Variants in LHFPL6 observed in about 807,000 individuals in gnomAD.
The protein encoded by LHFPL6 is LHFPL tetraspan subfamily member 6, also known as LHFPL tetraspan subfamily member 6 protein.
Under a neutral mutation model 20.6 loss-of-function variants are expected in LHFPL6, and 9 were observed. The observed-to-expected ratio is 0.44, with a 90% CI of 0.26 to 0.76. LHFPL6 has a LOEUF of 0.76. Ranked by LOEUF, LHFPL6 falls within the 30% of genes least tolerant of loss-of-function variation. LHFPL6 has a pLI of 0.20. For missense variants in LHFPL6, 218 were observed against 253.5 expected (o/e 0.86, Z 0.95); for synonymous variants, 105 against 98.7 (o/e 1.06, Z -0.38).
intron 2 of LHFPL6, among the ~76,000 whole-genome samples, chr13:39,423,434 A>G (rs11838814): frequency 1.2e-4 from 18 of 149,214 alleles, no homozygotes; most frequent in African/African-American, 3.7e-4. Flanking sequence ...TTTTTTTTTT[A>G]TTTTTTGAGA....
chr13:39,420,323 T>G (rs756941847), intron 2 of LHFPL6, among the ~76,000 whole-genome samples: 1 of 152,220 alleles, frequency 6.6e-6, no homozygotes, highest in East Asian at 1.9e-4. Context: ...GTTTGGTTAA[T>G]GGATCATTCA....
At chr13:39,541,501 C>T (rs1239446722) in intron 2 of LHFPL6, among the ~76,000 whole-genome samples, 2 of 152,132 alleles carry the variant, frequency 1.3e-5, no homozygotes, top group African/African-American at 2.4e-5. Context: ...TCACTCCCTA[C>T]CTGCAGGCCT....
chr13:39,591,567 T>C (rs1018661577), intron 2 of LHFPL6, among the ~76,000 whole-genome samples: 3 of 152,136 alleles, frequency 2.0e-5, no homozygotes, highest in Non-Finnish European at 4.4e-5. Context: ...AACAGTGGTG[T>C]AAGTCTACAT....
chr13:39,455,973 ATTGAC>A (rs1347342595), intron 2 of LHFPL6, among the ~76,000 whole-genome samples: 1 of 152,262 alleles, frequency 6.6e-6, no homozygotes, highest in African/African-American at 2.4e-5. Context: ...ACACAAATGT[ATTGAC>A]TTGACTGCCA....
intron 2 of LHFPL6, among the ~76,000 whole-genome samples, chr13:39,531,062 A>T (rs374532403): frequency 6.6e-6 from 1 of 152,152 alleles, no homozygotes; most frequent in Non-Finnish European, 1.5e-5. Flanking sequence ...AACTGGCTCT[A>T]CTTTTCACAG....
intron 2 of LHFPL6, among the ~76,000 whole-genome samples, chr13:39,477,136 G>T (rs566942993): frequency 1.3e-5 from 2 of 152,078 alleles, no homozygotes; most frequent in African/African-American, 4.8e-5. Flanking sequence ...CATCTCTAGT[G>T]ACTTTACCTC....
At chr13:39,455,258 C>G (rs899061104) in intron 2 of LHFPL6, among the ~76,000 whole-genome samples, 1 of 152,124 alleles carries the variant, frequency 6.6e-6, no homozygotes, top group South Asian at 2.1e-4. Context: ...AATACTCCCC[C>G]TAAAGCAGCT....
rs1028683509 is a variant in LHFPL6 at position 39,466,549 on chromosome 13, C to T, written c.386-88023G>A. 3.9e-5 allele frequency among the ~76,000 whole-genome samples: 6 copies of T among 152,158 alleles called. 1 individual carries two copies. The highest frequency in any genetic ancestry group is 2.1e-4 in the South Asian group (1 of 4,826). ...ACAAAGGTCACAGACTAGAAAGATC[C>T]AATTAGTAGTTTGGGGCCCTGGCTT... is the stretch of plus-strand genomic sequence containing the variant. On this transcript the variant is annotated intron_variant, in intron 2 of 3. Coordinates refer to ENST00000379589, the MANE Select transcript of LHFPL6 (RefSeq NM_005780.3).
intron 2 of LHFPL6, among the ~76,000 whole-genome samples, chr13:39,575,028 GCTACTGCA>G (rs1289533435): frequency 1.3e-5 from 2 of 151,864 alleles, no homozygotes; most frequent in Non-Finnish European, 2.9e-5. Flanking sequence ...CCGAGATAGC[GCTACTGCA>G]CTTTGGCCTC....
intron 2 of LHFPL6, among the ~76,000 whole-genome samples, chr13:39,459,146 C>T (rs1872634531): frequency 6.6e-6 from 1 of 150,430 alleles, no homozygotes; most frequent in African/African-American, 2.4e-5. Flanking sequence ...AAAGACCTGC[C>T]TGTGTTCTGG....
intron 3 of LHFPL6, among the ~76,000 whole-genome samples, chr13:39,355,477 A>G (rs972580152): frequency 1.3e-5 from 2 of 152,174 alleles, no homozygotes; most frequent in African/African-American, 4.8e-5. Flanking sequence ...TAATCACACA[A>G]TCAAGTATAA....
At chr13:39,492,346 T>C (rs10161885) in intron 2 of LHFPL6, among the ~76,000 whole-genome samples, 2,219 of 152,314 alleles carry the variant, frequency 0.015, 56 homozygotes, top group African/African-American at 0.05. Context: ...TAGGTAATGT[T>C]ATTTTTGTTC....
At chr13:39,601,970 A>G (rs1872965851) in intron 1 of LHFPL6, among the ~76,000 whole-genome samples, 1 of 152,214 alleles carries the variant, frequency 6.6e-6, no homozygotes, top group Non-Finnish European at 1.5e-5. Flanking sequence ...CTCATTCAGC[A>G]GCATTTCAGA....
chr13:39,479,503 A>G (rs1413895976), intron 2 of LHFPL6, among the ~76,000 whole-genome samples: 1 of 152,164 alleles, frequency 6.6e-6, no homozygotes, highest in Admixed American at 6.5e-5. Context: ...AAACAAAAAC[A>G]CAGAGACAGG....
chr13:39,376,982 C>G (rs190595523), intron 3 of LHFPL6, among the ~76,000 whole-genome samples: 127 of 152,202 alleles, frequency 8.3e-4, no homozygotes, highest in African/African-American at 2.8e-3. Context: ...ATCATAAAAC[C>G]TAGAAAGGAT....
intron 3 of LHFPL6, among the ~76,000 whole-genome samples, chr13:39,345,099 G>T (rs758857784): frequency 1.3e-5 from 2 of 152,180 alleles, no homozygotes; most frequent in Non-Finnish European, 2.9e-5. Context: ...CATCTTATCA[G>T]ATGATGCTCC....
At chr13:39,536,073 A>G (rs1870608885) in intron 2 of LHFPL6, among the ~76,000 whole-genome samples, 1 of 152,298 alleles carries the variant, frequency 6.6e-6, no homozygotes, top group South Asian at 2.1e-4. Flanking sequence ...TTCATTATCT[A>G]GTTGGTAAAA....
intron 2 of LHFPL6, among the ~76,000 whole-genome samples, chr13:39,445,750 CAA>C (rs1479674180): frequency 6.6e-6 from 1 of 152,172 alleles, no homozygotes; most frequent in Non-Finnish European, 1.5e-5. Context: ...CTGGTCTCTT[CAA>C]ATAGCAACTC....
rs74044052 is a variant in LHFPL6 at position 39,411,113 on chromosome 13, C to T, written c.386-32587G>A. 3.9e-3 allele frequency among the ~76,000 whole-genome samples: 598 copies of T among 152,246 alleles called. 3 individuals carry two copies. Among genetic ancestry groups the T allele is most frequent in the African/African-American group, 0.014 (562 of 41,540 alleles). On this transcript the variant is annotated intron_variant, in intron 2 of 3. Coordinates refer to ENST00000379589, the MANE Select transcript of LHFPL6 (RefSeq NM_005780.3). ...CTGCACGGGTAGTATGATATGTATG[C>T]GTGAATAACCTGTTTATTCCTGGGG...
Sources: gnomAD v4.1 joint callset for allele counts (sites outside exome capture counted in the v4.1 genomes callset) on GRCh38, gnomAD v4.1.1 for gene constraint, MANE v1.5 for transcripts, NCBI Gene and HGNC (gene_info 2026-07-23, HGNC 2026-07-21) for gene names.